Variants in CLPB observed in about 807,000 individuals in gnomAD.
The protein encoded by CLPB is mitochondrial disaggregase.
Under a neutral mutation model 78.4 loss-of-function variants are expected in CLPB, and 40 were observed. The ratio of observed to expected loss-of-function variants is 0.51; its 90% CI spans 0.40 to 0.66. The LOEUF (loss-of-function observed/expected upper bound fraction) is 0.66. CLPB is among the 30% of genes least tolerant of loss of function. CLPB has a pLI of 0.00. For missense variants in CLPB, 780 were observed against 886.9 expected, an observed-to-expected ratio of 0.88 and a Z score of 1.53; for synonymous variants, 333 against 348.0, an observed-to-expected ratio of 0.96 and a Z score of 0.48.
chr11:72,309,676 A>T lies in CLPB; in HGVS notation c.989-1072T>A, dbSNP rs185976005. ...TAAACCTGTCGTCTTTTTTTAAAAA[A>T]GTAACATATGGCTGCTCAAAAAAGT... On this transcript the variant is annotated intron_variant, in intron 7 of 15. Transcript: ENST00000538039. Among the ~76,000 whole-genome samples the T allele has an allele frequency of 6.8e-4, 103 of 152,328 alleles. 1 individual carries two copies. Among genetic ancestry groups the T allele is most frequent in the Middle Eastern group, 6.8e-3 (2 of 294 alleles).
chr11:72,376,669 G>GTGTGTT (rs1854711996), intron 4 of CLPB, among the ~76,000 whole-genome samples: 1 of 150,236 alleles, frequency 6.7e-6, no homozygotes, highest in Non-Finnish European at 1.5e-5. Flanking sequence ...TTTAACAGTT[G>GTGTGTT]TTTGTTTTTG....
intron 7 of CLPB, among the ~76,000 whole-genome samples, chr11:72,314,656 C>T (rs999243703): frequency 2.6e-5 from 4 of 152,050 alleles, no homozygotes; most frequent in Admixed American, 1.3e-4. Context: ...CATGTTATCT[C>T]CCCTCAAGCA....
chr11:72,429,780 T>A (rs1180537228), intron 2 of CLPB, among the ~76,000 whole-genome samples: 2 of 152,200 alleles, frequency 1.3e-5, no homozygotes, highest in African/African-American at 2.4e-5. Context: ...CTGCCAGTGG[T>A]CACTGGAGAC....
Position 72,358,754 on chromosome 11 carries a change from C to T in CLPB, c.775+126G>A, listed in dbSNP as rs1014562711. ...AGGGCTCTGGGGAAGTATGTTATTT[C>T]CAGAATAGTGAGGCTGCCAAGTACT... On this transcript the variant is annotated intron_variant, in intron 5 of 15. Coordinates refer to ENST00000538039, the MANE Select transcript of CLPB (RefSeq NM_001258392.3). The T allele has an allele frequency of 7.6e-6, 6 of 794,186 alleles. No individual in the cohort carries two copies. The African/African-American group carries it at 1.0e-4, about 14-fold the overall frequency. The allele number at this position is 794,186 out of a possible 1,614,324, so 49.2% of individuals were successfully genotyped here. A position where few individuals can be genotyped will look rare whatever the true frequency, so the allele number is the denominator to read the frequency against.
In CLPB at chr11:72,290,296, CT is replaced by C. The variant is rs1358915183; in HGVS notation, c.*3070del. ...GAGCCAATTTGAGCAACCAAATAAACTGTTAGCATTAGATTGTAGCCTGTAG... is the reference window on the plus strand; with the variant it reads ...GAGCCAATTTGAGCAACCAAATAAACGTTAGCATTAGATTGTAGCCTGTAG... On this transcript the variant is annotated 3_prime_UTR_variant, in exon 16 of 16. Coordinates refer to ENST00000538039, the MANE Select transcript of CLPB (RefSeq NM_001258392.3). 6.6e-6 allele frequency: 1 copy of C among 152,198 alleles called. No homozygotes were observed. The highest frequency in any genetic ancestry group is 1.9e-4 in the East Asian group (1 of 5,196). The allele number at this position is 152,198 out of a possible 1,614,324, so 9.4% of individuals were successfully genotyped here.
intron 10 of CLPB, 63 bp from the exon 11 acceptor site, chr11:72,302,027 C>T: frequency 6.4e-7 from 1 of 1,565,976 alleles, no homozygotes. Flanking sequence ...CAACATGGGG[C>T]ATGCATGGGA....
intron 1 of CLPB, among the ~76,000 whole-genome samples, chr11:72,433,450 G>A (rs1231689890): frequency 6.6e-6 from 1 of 151,956 alleles, no homozygotes; most frequent in African/African-American, 2.4e-5. Context: ...TAAGGCAGGA[G>A]AATAGCTTGA....
rs1424542665 is a variant in CLPB, at chr11:72,434,215, G to A, written c.260C>T (p.Thr87Ile). 9 of 1,613,604 alleles carry A rather than the reference G, an allele frequency of 5.6e-6. No homozygotes were observed. The highest frequency in any genetic ancestry group is 7.6e-6 in the Non-Finnish European group (9 of 1,180,000). ...RFDTKCLAAA[T>I]WGRLPGPEET... Reference sequence around the variant, plus strand: ...TTCGGGACCAGGAAGGCGTCCCCAAGTGGCAGCCGCGAGGCATTTGGTATC... The same window carrying A: ...TTCGGGACCAGGAAGGCGTCCCCAAATGGCAGCCGCGAGGCATTTGGTATC... The change falls in exon 1 of 16, where the codon ACT (threonine) becomes ATT (isoleucine). Residue 87 changes from threonine to isoleucine, a missense_variant. This residue lies in a region of CLPB where 417 missense variants were observed against 414.7 expected (regional missense o/e 1.01). Transcript: ENST00000538039.
At chr11:72,297,636 G>GGTGTGTGTGTGTGTGTGTGTGTGTGTGT (rs67807556) in intron 11 of CLPB, among the ~76,000 whole-genome samples, 11 of 93,466 alleles carry the variant, frequency 1.2e-4, no homozygotes, top group South Asian at 4.8e-4. Flanking sequence ...TTGGGGACCA[G>GGTGTGTGTGTGTGTGTGTGTGTGTGTGT]GTGTGTGTGT....
chr11:72,398,933 T>G (rs770016815), intron 3 of CLPB, among the ~76,000 whole-genome samples: 2 of 152,208 alleles, frequency 1.3e-5, no homozygotes, highest in Non-Finnish European at 2.9e-5. Flanking sequence ...GCAGTCCAAG[T>G]AAGCTTCTTA....
rs368496010 is a variant in CLPB at position 72,434,282 on chromosome 11, C to G, written c.193G>C (p.Gly65Arg). The stretch of plus-strand genomic sequence containing the variant: ...CGCCCCCCGGTGGCTGCCCCACGTC[C>G]GGAGAACAAGGCCGGCGATGTTCCA... ...RPGTSPALFS[G>R]RGAATGGRQG... Residue 65 changes from glycine (G) to arginine (R), a missense_variant, in exon 1 of 16, where the codon GGA becomes CGA. Physicochemically the swap from Gly to Arg is moderately radical, Grantham distance 125. This residue lies in a region of CLPB where 417 missense variants were observed against 414.7 expected (regional missense o/e 1.01). Transcript: ENST00000538039. 3.1e-6 allele frequency: 5 copies of G among 1,612,302 alleles called. No homozygotes were observed. In the African/African-American group the frequency reaches 6.7e-5, roughly 22 times the overall value.
chr11:72,422,957 A>G (rs541977402), intron 2 of CLPB, among the ~76,000 whole-genome samples: 1 of 152,360 alleles, frequency 6.6e-6, no homozygotes, highest in Admixed American at 6.5e-5. Flanking sequence ...AAACCAAGCC[A>G]TCAGTGCAAA....
At chr11:72,380,219 G>A (rs919609180) in intron 4 of CLPB, 62 bp downstream of exon 4, 1 of 1,273,350 alleles carries the variant, frequency 7.9e-7, no homozygotes, top group Non-Finnish European at 1.1e-6. Flanking sequence ...ACACCACAGA[G>A]CAAGGCTGCA....
chr11:72,301,776 G>A (rs766930833), intron 11 of CLPB, 27 bp downstream of exon 11: 17 of 1,607,400 alleles, frequency 1.1e-5, no homozygotes, highest in African/African-American at 2.7e-5. Flanking sequence ...GTGTCCCCCC[G>A]CTCCATCCTG....
At chr11:72,433,418 T>C in intron 1 of CLPB, among the ~76,000 whole-genome samples, 1 of 152,044 alleles carries the variant, frequency 6.6e-6, no homozygotes, top group Non-Finnish European at 1.5e-5. Flanking sequence ...CCCGCACCTG[T>C]AGTCCCAGCT....
At chr11:72,419,328 T>G (rs1856121019) in intron 2 of CLPB, among the ~76,000 whole-genome samples, 1 of 152,336 alleles carries the variant, frequency 6.6e-6, no homozygotes, top group East Asian at 1.9e-4. Flanking sequence ...GCCCCTGCTG[T>G]TAGGCCCTGA....
chr11:72,294,380 C>T lies in CLPB; in HGVS notation c.1625G>A (p.Cys542Tyr), dbSNP rs1191517520. Residue 542 changes from cysteine (C) to tyrosine (Y), a missense_variant, in exon 14 of 16, where the codon TGC (cysteine) becomes TAC (tyrosine). By Grantham distance (194) the Cys-to-Tyr change is radical (BLOSUM62 -2). Around this residue, in one of 3 missense-constraint regions of CLPB, gnomAD observed 272 missense variants for 304.0 expected, o/e 0.89. Transcript: ENST00000538039. ...GACGAGTTGGATGAGCTCCGAGTGG[C>T]AGAAGGGGAGGAAGTAGACGATCTC... ...INEIVYFLPF[C>Y]HSELIQLVNK... The T allele has an allele frequency of 1.2e-6, 2 of 1,614,184 alleles. No homozygotes were observed. Among genetic ancestry groups the T allele is most frequent in the Non-Finnish European group, 1.7e-6 (2 of 1,180,036 alleles).
intron 4 of CLPB, among the ~76,000 whole-genome samples, chr11:72,378,355 C>T (rs186293751): frequency 9.8e-5 from 15 of 152,316 alleles, no homozygotes; most frequent in Non-Finnish European, 2.2e-4. Context: ...TACAGTTCCA[C>T]ATGGCCAGGG....
At chr11:72,330,840 C>A (rs895809961) in intron 5 of CLPB, among the ~76,000 whole-genome samples, 10 of 152,084 alleles carry the variant, frequency 6.6e-5, no homozygotes, top group African/African-American at 2.4e-4. Flanking sequence ...TTCTCTCTTG[C>A]TCAGGAAGTA....
Sources: gnomAD v4.1 joint callset for allele counts (sites outside exome capture counted in the v4.1 genomes callset) on GRCh38, gnomAD v4.1.1 for gene constraint, gnomAD v4.1.1 regional missense constraint, MANE v1.5 for transcripts, NCBI Gene and HGNC (gene_info 2026-07-23, HGNC 2026-07-21) for gene names.